Variants in GALNT13 observed in about 807,000 individuals in gnomAD.
GALNT13 encodes UDP-GalNAc:polypeptide N-acetylgalactosaminyltransferase 13.
Under a neutral mutation model 64.2 loss-of-function variants are expected in GALNT13, and 28 were observed. That is an observed-to-expected ratio of 0.44 (90% confidence interval 0.32 to 0.60). The LOEUF is 0.60. Among genes scored for constraint, GALNT13 ranks in the 20% least tolerant of loss-of-function variants. The pLI is 0.05. For missense variants in GALNT13, 577 were observed against 669.8 expected (o/e 0.86, Z 1.53); for synonymous variants, 214 against 224.6 (o/e 0.95, Z 0.42).
the GALNT13 span, among the ~76,000 whole-genome samples, chr2:153,585,805 C>G: frequency 6.6e-6 from 1 of 151,508 alleles, no homozygotes; most frequent in East Asian, 1.9e-4. Context: ...AAAAAACAGG[C>G]AAGGATTCTG....
the GALNT13 span, among the ~76,000 whole-genome samples, chr2:153,313,633 CAACA>C: frequency 6.6e-6 from 1 of 152,080 alleles, no homozygotes; most frequent in African/African-American, 2.4e-5. Context: ...GTAATTTGTA[CAACA>C]AACTCTTGTG....
intron 3 of GALNT13, among the ~76,000 whole-genome samples, chr2:154,051,944 C>A (rs1257686268): frequency 6.6e-6 from 1 of 152,088 alleles, no homozygotes; most frequent in Admixed American, 6.5e-5. Flanking sequence ...TCTCAGTGTG[C>A]ATACCTGTTA....
chr2:154,309,053 C>G (rs1025275860), intron 9 of GALNT13, among the ~76,000 whole-genome samples: 1 of 152,046 alleles, frequency 6.6e-6, no homozygotes, highest in East Asian at 1.9e-4. Context: ...GTTACTATGT[C>G]AAGTAGGAGG....
chr2:153,817,823 A>C, the GALNT13 span, among the ~76,000 whole-genome samples: 1 of 152,244 alleles, frequency 6.6e-6, no homozygotes, highest in Admixed American at 6.5e-5. Flanking sequence ...ACCCAAATTT[A>C]TACCAACTGA....
the GALNT13 span, among the ~76,000 whole-genome samples, chr2:153,317,406 C>T: frequency 9.9e-5 from 15 of 151,860 alleles, no homozygotes; most frequent in Non-Finnish European, 2.1e-4. Flanking sequence ...ACCTGCTGAC[C>T]CTAAGTGTAA....
chr2:153,094,954 A>T, the GALNT13 span, among the ~76,000 whole-genome samples: 5 of 152,196 alleles, frequency 3.3e-5, no homozygotes, highest in African/African-American at 1.2e-4. Flanking sequence ...AACCTAGGCA[A>T]TACCATTCAG....
intron 8 of GALNT13, among the ~76,000 whole-genome samples, chr2:154,274,869 A>G (rs1691553718): frequency 6.6e-6 from 1 of 152,144 alleles, no homozygotes; most frequent in South Asian, 2.1e-4. Flanking sequence ...GATGTGGGAA[A>G]GTTTGGAAGT....
chr2:154,073,024 A>G (rs1319774809), intron 3 of GALNT13, among the ~76,000 whole-genome samples: 2 of 152,052 alleles, frequency 1.3e-5, no homozygotes, highest in Admixed American at 6.6e-5. Context: ...TTTAAAAATA[A>G]TAATAGTATG....
At chr2:153,466,673 CT>C in the GALNT13 span, among the ~76,000 whole-genome samples, 1 of 151,984 alleles carries the variant, frequency 6.6e-6, no homozygotes, top group Non-Finnish European at 1.5e-5. Flanking sequence ...AGCAAAACTT[CT>C]GCATCTTTTA....
At chr2:153,514,603 T>TCTC in the GALNT13 span, among the ~76,000 whole-genome samples, 1 of 152,088 alleles carries the variant, frequency 6.6e-6, no homozygotes, top group African/African-American at 2.4e-5. Flanking sequence ...TCCCCTCTCT[T>TCTC]CTCCTCCGCA....
the GALNT13 span, among the ~76,000 whole-genome samples, chr2:153,270,237 C>T: frequency 5.9e-4 from 90 of 152,242 alleles, no homozygotes; most frequent in Non-Finnish European, 1.0e-3. Flanking sequence ...TTCTGAGCAT[C>T]TACTCTGTGT....
At chr2:153,988,846 A>G (rs921969829) in intron 3 of GALNT13, among the ~76,000 whole-genome samples, 2 of 151,942 alleles carry the variant, frequency 1.3e-5, no homozygotes, top group African/African-American at 2.4e-5. Context: ...ATTTTTTTGC[A>G]TAACTCAGGA....
At chr2:153,998,198 AGATCCTT>A (rs1695653825) in intron 3 of GALNT13, among the ~76,000 whole-genome samples, 1 of 152,136 alleles carries the variant, frequency 6.6e-6, no homozygotes, top group Non-Finnish European at 1.5e-5. Context: ...TTTTGGTTCC[AGATCCTT>A]GAGGAATCGC....
chr2:153,145,191 T>G, the GALNT13 span, among the ~76,000 whole-genome samples: 1 of 151,882 alleles, frequency 6.6e-6, no homozygotes, highest in Non-Finnish European at 1.5e-5. Context: ...GTGTATGGAT[T>G]GGTGACTTTC....
the GALNT13 span, among the ~76,000 whole-genome samples, chr2:153,355,573 T>A: frequency 2.3e-4 from 35 of 152,324 alleles, no homozygotes; most frequent in Non-Finnish European, 4.3e-4. Context: ...ATGAAAACAA[T>A]GGATCAAAAG....
At chr2:153,913,285 G>A (rs1014355109) in intron 2 of GALNT13, among the ~76,000 whole-genome samples, 1 of 152,198 alleles carries the variant, frequency 6.6e-6, no homozygotes, top group African/African-American at 2.4e-5. Context: ...CAATGTGACA[G>A]GTGGGGTGGG....
At chr2:154,420,593 G>T (rs1431167197) in intron 11 of GALNT13, among the ~76,000 whole-genome samples, 1 of 151,966 alleles carries the variant, frequency 6.6e-6, no homozygotes, top group Non-Finnish European at 1.5e-5. Flanking sequence ...TAAATGATTT[G>T]AATGCATGAG....
chr2:153,802,527 C>T, the GALNT13 span, among the ~76,000 whole-genome samples: 1 of 152,182 alleles, frequency 6.6e-6, no homozygotes, highest in Non-Finnish European at 1.5e-5. Flanking sequence ...AATCTCCAGG[C>T]TCTGCTCACT....
chr2:153,969,103 T>C (rs1349515935), intron 3 of GALNT13, among the ~76,000 whole-genome samples: 4 of 152,126 alleles, frequency 2.6e-5, no homozygotes, highest in Non-Finnish European at 5.9e-5. Flanking sequence ...TTTGTAATGT[T>C]AAAATTAACG....
Sources: allele counts gnomAD v4.1 joint callset (sites outside exome capture counted in the v4.1 genomes callset), GRCh38; gene constraint gnomAD v4.1.1; transcripts MANE v1.5; gene names NCBI Gene and HGNC (gene_info 2026-07-23, HGNC 2026-07-21).